The following THSD7A variants were observed in gnomAD, a reference collection of about 807,000 sequenced individuals.
THSD7A encodes thrombospondin type 1 domain containing 7A.
In THSD7A, 96 loss-of-function variants were observed where a neutral mutation model predicts 231.3. The ratio of observed to expected loss-of-function variants is 0.41; its 90% CI spans 0.35 to 0.49. The LOEUF is 0.49. THSD7A is among the 20% of genes least tolerant of loss of function. The probability of loss-of-function intolerance (pLI) is 0.05; values close to 1 mark genes in which losing one functional copy is unlikely to be tolerated. For synonymous variants in THSD7A, 940 were observed against 743.3 expected, an observed-to-expected ratio of 1.26 and a Z score of -4.30; for missense variants, 2,290 against 2,070.2, an observed-to-expected ratio of 1.11 and a Z score of -2.06.
chr7:11,421,323 A>G (rs924271131), intron 16 of THSD7A, among the ~76,000 whole-genome samples: 5 of 152,008 alleles, frequency 3.3e-5, no homozygotes, highest in Admixed American at 2.6e-4. Context: ...GTTGTTGTAA[A>G]GTGTGTGGCA....
At position 11,417,459 on chromosome 7, in the gene THSD7A, T is replaced by G. The variant is rs765080637; in HGVS notation, c.3528A>C (p.Gln1176His). 13 of 1,597,246 alleles carry G rather than the reference T, an allele frequency of 8.1e-6. No homozygotes were observed. Among genetic ancestry groups the G allele is most frequent in the Non-Finnish European group, 1.0e-5 (12 of 1,175,410 alleles). The change falls in exon 17 of 28, where the codon CAA becomes CAC. Residue 1176 changes from glutamine (Q) to histidine (H), a missense_variant. Coordinates refer to ENST00000423059, the MANE Select transcript of THSD7A (RefSeq NM_015204.3). The stretch of plus-strand genomic sequence containing the variant: ...AGGTTAATCATCTCACCAAAACACA[T>G]TGGGTCCATGGACCCCATTCAGATA... ...CVISEWGPWT[Q>H]CVLPCNQSSF...
intron 1 of THSD7A, among the ~76,000 whole-genome samples, chr7:11,723,480 A>G (rs997525393): frequency 6.6e-6 from 1 of 151,996 alleles, no homozygotes; most frequent in Non-Finnish European, 1.5e-5. Flanking sequence ...TATAATAAAA[A>G]AAATAAAAAA....
At chr7:11,802,650 G>C (rs1267737545) in intron 1 of THSD7A, among the ~76,000 whole-genome samples, 1 of 152,148 alleles carries the variant, frequency 6.6e-6, no homozygotes, top group Admixed American at 6.6e-5. Context: ...AAGCAAGTTA[G>C]TTAACATTTT....
intron 1 of THSD7A, among the ~76,000 whole-genome samples, chr7:11,752,033 G>A (rs949161777): frequency 1.3e-5 from 2 of 152,092 alleles, no homozygotes; most frequent in African/African-American, 4.8e-5. Context: ...AGAGAGTGTT[G>A]CCCCAAGATC....
At chr7:11,609,125 T>C (rs1780835010) in intron 2 of THSD7A, among the ~76,000 whole-genome samples, 1 of 117,788 alleles carries the variant, frequency 8.5e-6, no homozygotes, top group Non-Finnish European at 1.7e-5. Context: ...GACAAATTTA[T>C]ATTAATCCTG....
Position 11,474,617 on chromosome 7 carries a change from C to A in THSD7A, c.2018-49G>T, listed in dbSNP as rs781323044. 49 of 1,430,166 alleles carry A rather than the reference C, an allele frequency of 3.4e-5. No individual in the cohort carries two copies. In the African/African-American group the frequency reaches 5.6e-4, roughly 16 times the overall value. The allele number at this position is 1,430,166 out of a possible 1,614,324, so 88.6% of individuals were successfully genotyped here. On this transcript the variant is annotated intron_variant, in intron 7 of 27. Transcript: ENST00000423059. This position sits in a 1 kb window ranked among gnomAD's most constrained non-coding sequence, Gnocchi z 4.1. ...AAATTAGATACGGTGCCAACAGGAA[C>A]CTTACCATACTCTGTTCTTTGGAAT...
At chr7:11,755,867 A>G (rs1459960746) in intron 1 of THSD7A, among the ~76,000 whole-genome samples, 1 of 152,132 alleles carries the variant, frequency 6.6e-6, no homozygotes, top group Non-Finnish European at 1.5e-5. Flanking sequence ...AGCCAAAAGG[A>G]ATTAATGTGT....
At position 11,615,846 on chromosome 7, in the gene THSD7A, T is replaced by G. The variant is rs9639096; in HGVS notation, c.1022+20284A>C. On this transcript the variant is annotated intron_variant, in intron 2 of 27. Transcript: ENST00000423059. Reference sequence around the variant, plus strand: ...CTGACATTATATGATTTTGCCTTCTTTAATTTCCTCTATTGTCTTGTTTTA... The same window carrying G: ...CTGACATTATATGATTTTGCCTTCTGTAATTTCCTCTATTGTCTTGTTTTA... Among the ~76,000 whole-genome samples, 39 of 152,308 alleles carry G rather than the reference T, an allele frequency of 2.6e-4. No individual in the cohort carries two copies. In the East Asian group the frequency reaches 6.6e-3, roughly 26 times the overall value.
chr7:11,802,639 T>C (rs1784307557), intron 1 of THSD7A, among the ~76,000 whole-genome samples: 1 of 152,226 alleles, frequency 6.6e-6, no homozygotes, highest in South Asian at 2.1e-4. Context: ...TGTGTGTTTT[T>C]AAGCAAGTTA....
In THSD7A at chr7:11,636,653, T is replaced by C. The variant is rs778847480; in HGVS notation, c.499A>G (p.Ile167Val). Residue 167 changes from isoleucine to valine, a missense_variant, in exon 2 of 28, where the codon ATT becomes GTT. Transcript: ENST00000423059. This position sits in a 1 kb window ranked among gnomAD's most constrained non-coding sequence, Gnocchi z 10.0. ...EIACIQKDKD[I>V]PAEDIICEYF... ...TCACAGATGATATCCTCCGCAGGAA[T>C]GTCTTTGTCTTTCTGGATGCACGCT... is the stretch of plus-strand genomic sequence containing the variant. 4.3e-6 allele frequency: 7 copies of C among 1,613,858 alleles called. No individual in the cohort carries two copies. Among genetic ancestry groups the C allele is most frequent in the Non-Finnish European group, 5.9e-6 (7 of 1,179,904 alleles).
intron 1 of THSD7A, among the ~76,000 whole-genome samples, chr7:11,802,292 T>C (rs984915274): frequency 6.6e-6 from 1 of 152,222 alleles, no homozygotes; most frequent in Non-Finnish European, 1.5e-5. Flanking sequence ...TGGCCCACCC[T>C]ACTATACTAT....
chr7:11,617,227 G>C (rs1272630908), intron 2 of THSD7A, among the ~76,000 whole-genome samples: 3 of 152,096 alleles, frequency 2.0e-5, no homozygotes, highest in African/African-American at 7.2e-5. Flanking sequence ...AAACTGACAG[G>C]AAAAGTACAA....
intron 1 of THSD7A, among the ~76,000 whole-genome samples, chr7:11,828,694 T>C (rs1340666298): frequency 6.6e-6 from 1 of 151,802 alleles, no homozygotes; most frequent in Non-Finnish European, 1.5e-5. Flanking sequence ...CAAAAACTCT[T>C]TGTTGTGAGT....
intron 1 of THSD7A, among the ~76,000 whole-genome samples, chr7:11,828,301 C>T (rs1182191443): frequency 6.6e-6 from 1 of 152,214 alleles, no homozygotes; most frequent in Admixed American, 6.5e-5. Flanking sequence ...ACTACTGGGA[C>T]TTTCAAGATC....
intron 1 of THSD7A, among the ~76,000 whole-genome samples, chr7:11,744,326 A>G (rs1040883470): frequency 2.0e-5 from 3 of 151,906 alleles, no homozygotes; most frequent in Non-Finnish European, 4.4e-5. Flanking sequence ...AAGCTTTACC[A>G]TTATATTAAA....
chr7:11,480,931 G>A (rs993320616), intron 7 of THSD7A, among the ~76,000 whole-genome samples: 1 of 152,070 alleles, frequency 6.6e-6, no homozygotes, highest in Non-Finnish European at 1.5e-5. Flanking sequence ...TGTGAACAAA[G>A]AGTCATTTAG....
intron 7 of THSD7A, among the ~76,000 whole-genome samples, chr7:11,477,979 T>C (rs1786263308): frequency 1.3e-5 from 2 of 152,186 alleles, no homozygotes; most frequent in Admixed American, 1.3e-4. Flanking sequence ...TCAAATAAAT[T>C]AATAACATCC....
chr7:11,617,002 C>T (rs1781129930), intron 2 of THSD7A, among the ~76,000 whole-genome samples: 1 of 152,040 alleles, frequency 6.6e-6, no homozygotes. Context: ...AGAGTATAAG[C>T]AATATTTAAA....
chr7:11,723,702 A>T (rs1241557516), intron 1 of THSD7A, among the ~76,000 whole-genome samples: 1 of 151,884 alleles, frequency 6.6e-6, no homozygotes, highest in African/African-American at 2.4e-5. Context: ...ACTTATCTAC[A>T]TCAGGGAAGA....
Sources: gnomAD v4.1 joint callset for allele counts (sites outside exome capture counted in the v4.1 genomes callset) on GRCh38, gnomAD v4.1.1 for gene constraint, Gnocchi (gnomAD v3.1) non-coding constraint, MANE v1.5 for transcripts, NCBI Gene and HGNC (gene_info 2026-07-23, HGNC 2026-07-21) for gene names.